ATF7: variants seen among roughly 807,000 people sequenced by gnomAD.
The protein encoded by ATF7 is cyclic AMP-dependent transcription factor ATF-7.
Under a neutral mutation model 50.4 loss-of-function variants are expected in ATF7, and 10 were observed. The observed-to-expected ratio is 0.20, with a 90% CI of 0.12 to 0.34. The LOEUF (loss-of-function observed/expected upper bound fraction) is 0.34, where lower values mean the gene tolerates loss of function less well. Ranked by LOEUF, ATF7 falls within the 10% of genes least tolerant of loss-of-function variation. The pLI, the probability that ATF7 is intolerant of heterozygous loss-of-function variation, is 1.00. For missense variants in ATF7, 465 were observed against 613.9 expected, an observed-to-expected ratio of 0.76 and a Z score of 2.56; for synonymous variants, 201 against 226.4, an observed-to-expected ratio of 0.89 and a Z score of 1.01.
In ATF7 at chr12:53,542,114, T is replaced by G. The variant is rs567591718; in HGVS notation, c.264+1216A>C. 3.5e-4 allele frequency among the ~76,000 whole-genome samples: 51 copies of G among 146,444 alleles called. 1 individual carries two copies. Among genetic ancestry groups the G allele is most frequent in the African/African-American group, 1.2e-3 (50 of 40,080 alleles). The stretch of plus-strand genomic sequence containing the variant: ...AGCCACTGCGCCTGGCCTGTTTTTT[T>G]TTTTTTTTTTTTAAGAGATAGGGTC... On this transcript the variant is annotated intron_variant, in intron 4 of 11. Coordinates refer to ENST00000420353, the MANE Select transcript of ATF7 (RefSeq NM_006856.3).
At chr12:53,541,261 C>T (rs780066717) in intron 4 of ATF7, among the ~76,000 whole-genome samples, 1 of 152,086 alleles carries the variant, frequency 6.6e-6, no homozygotes, top group Non-Finnish European at 1.5e-5. Flanking sequence ...AGAAGCGGTT[C>T]CAGCTATTCT....
At chr12:53,521,166 G>A (rs915949422) in intron 11 of ATF7, among the ~76,000 whole-genome samples, 5 of 152,068 alleles carry the variant, frequency 3.3e-5, no homozygotes, top group Admixed American at 1.3e-4. Context: ...CTAATTTTTT[G>A]TATTTTTAGT....
At chr12:53,526,036 C>A (rs936359375) in intron 9 of ATF7, among the ~76,000 whole-genome samples, 1 of 151,778 alleles carries the variant, frequency 6.6e-6, no homozygotes, top group Non-Finnish European at 1.5e-5. Context: ...CATGGAGAAA[C>A]CCCATCTCTA....
At chr12:53,532,704 C>A in intron 7 of ATF7, 81 bp from the exon 8 acceptor site, 1 of 1,077,764 alleles carries the variant, frequency 9.3e-7, no homozygotes, top group South Asian at 1.5e-5. Context: ...TAAAATGAAG[C>A]GCTTTTGAGA....
intron 2 of ATF7, among the ~76,000 whole-genome samples, chr12:53,593,034 C>G (rs1373367798): frequency 6.6e-6 from 1 of 152,088 alleles, no homozygotes; most frequent in Non-Finnish European, 1.5e-5. Context: ...GTTATAAAGA[C>G]TCTATTAGGA....
chr12:53,578,885 G>A (rs888839975), intron 2 of ATF7, among the ~76,000 whole-genome samples: 6 of 151,860 alleles, frequency 4.0e-5, no homozygotes, highest in African/African-American at 7.3e-5. Context: ...GCTTCTGCCC[G>A]TGCTGTGTAT....
intron 2 of ATF7, among the ~76,000 whole-genome samples, chr12:53,559,121 TA>T (rs777243513): frequency 4.3e-3 from 588 of 136,142 alleles, no homozygotes; most frequent in Middle Eastern, 7.6e-3. Flanking sequence ...TGTCTCTATT[TA>T]AAAAAAAAAA....
intron 1 of ATF7, among the ~76,000 whole-genome samples, chr12:53,618,661 C>A (rs933559734): frequency 1.3e-5 from 2 of 152,122 alleles, no homozygotes; most frequent in African/African-American, 4.8e-5. Context: ...ACCTGGCAAA[C>A]TTAGACCATC....
chr12:53,612,030 C>T (rs1943901777), intron 1 of ATF7, among the ~76,000 whole-genome samples: 2 of 152,228 alleles, frequency 1.3e-5, no homozygotes, highest in East Asian at 1.9e-4. Flanking sequence ...GGCTGGAGTG[C>T]AGTGGCACCA....
chr12:53,563,570 T>C (rs113521877), intron 2 of ATF7, among the ~76,000 whole-genome samples: 17,024 of 152,220 alleles, frequency 0.11, 1,059 homozygotes, highest in Admixed American at 0.19. Flanking sequence ...TGAGCCAAGA[T>C]TGTGCCATCG....
chr12:53,542,731 T>C (rs1417022353), intron 4 of ATF7, among the ~76,000 whole-genome samples: 1 of 152,226 alleles, frequency 6.6e-6, no homozygotes, highest in African/African-American at 2.4e-5. Context: ...ACTTGATTTC[T>C]TTAAAAGTTC....
In ATF7 at chr12:53,626,266, TA is replaced by T; in HGVS notation, c.-22+12del. 1 of 152,974 alleles carries T rather than the reference TA, an allele frequency of 6.5e-6. No individual in the cohort carries two copies. The highest frequency in any genetic ancestry group is 1.5e-5 in the Non-Finnish European group (1 of 68,234). 9.5% of individuals were successfully genotyped at this position (152,974 alleles called of 1,614,324 possible). On this transcript the variant is annotated intron_variant, in intron 1 of 11. Transcript: ENST00000420353. ...CGTCAGATCATGGACTAGCTAATGT[TA>T]AAAGGACTTACCGGCTGGTAGCTCC...
At chr12:53,613,841 A>G (rs1288631953) in intron 1 of ATF7, among the ~76,000 whole-genome samples, 1 of 145,948 alleles carries the variant, frequency 6.9e-6, no homozygotes, top group Non-Finnish European at 1.5e-5. Context: ...ATAATTTTTA[A>G]AAGTATTATG....
At chr12:53,534,363 G>T in intron 6 of ATF7, 139 bp downstream of exon 6, 1 of 1,278,864 alleles carries the variant, frequency 7.8e-7, no homozygotes, top group Non-Finnish European at 1.1e-6. Flanking sequence ...CTGTTTATGG[G>T]GGAAAAATTT....
At chr12:53,529,710 T>TATACACACACACACAC (rs1555216854) in intron 9 of ATF7, among the ~76,000 whole-genome samples, 3,290 of 132,186 alleles carry the variant, frequency 0.025, 61 homozygotes, top group East Asian at 0.11. Flanking sequence ...TATATACACA[T>TATACACACACACACAC]ACACACACAC....
Position 53,552,569 on chromosome 12 carries a change from T to C in ATF7, c.117A>G (p.Pro39=), listed in dbSNP as rs963311551. The part of the protein sequence containing the change: ...HKHEMTLKFG[P]ARTDSVIIAD... The stretch of plus-strand genomic sequence containing the variant: ...CAATGATGACTGAGTCAGTTCGGGC[T>C]GGGCCAAATTTCAATGTCATCTCAT... The change falls in exon 3 of 12, where the codon CCA becomes CCG. Residue 39 remains proline (P), a synonymous_variant. Coordinates refer to ENST00000420353, the MANE Select transcript of ATF7 (RefSeq NM_006856.3). The C allele has an allele frequency of 6.2e-7, 1 of 1,613,988 alleles. No homozygotes were observed. Among genetic ancestry groups the C allele is most frequent in the Non-Finnish European group, 8.5e-7 (1 of 1,179,874 alleles).
chr12:53,566,198 A>G (rs1941436857), intron 2 of ATF7, among the ~76,000 whole-genome samples: 1 of 152,228 alleles, frequency 6.6e-6, no homozygotes, highest in South Asian at 2.1e-4. Context: ...CAGCCAAAGT[A>G]TATCAGCTAT....
intron 2 of ATF7, among the ~76,000 whole-genome samples, chr12:53,582,065 T>C (rs1473722505): frequency 6.6e-6 from 1 of 152,052 alleles, no homozygotes; most frequent in Non-Finnish European, 1.5e-5. Flanking sequence ...ATCACATCAC[T>C]GCACTCTAGC....
At position 53,549,863 on chromosome 12, in the gene ATF7, C is replaced by T. The variant is rs544629283; in HGVS notation, c.145+2678G>A. 1.8e-4 allele frequency among the ~76,000 whole-genome samples: 28 copies of T among 152,082 alleles called. No homozygotes were observed. The South Asian group carries it at 5.2e-3, about 28-fold the overall frequency. On this transcript the variant is annotated intron_variant, in intron 3 of 11. Coordinates refer to ENST00000420353, the MANE Select transcript of ATF7 (RefSeq NM_006856.3). ...CCTCCCAAAGTGCTGGAATTATGGG[C>T]GTGAGCCAACATGCCCGGCTAATTT...
Sources: gnomAD v4.1 joint callset for allele counts (sites outside exome capture counted in the v4.1 genomes callset) on GRCh38, gnomAD v4.1.1 for gene constraint, MANE v1.5 for transcripts, NCBI Gene and HGNC (gene_info 2026-07-23, HGNC 2026-07-21) for gene names.